The following NUP133 variants were observed in gnomAD, a reference collection of about 807,000 sequenced individuals.
The protein encoded by NUP133 is nuclear pore complex protein Nup133.
Under a neutral mutation model 146.2 loss-of-function variants are expected in NUP133, and 66 were observed. That is an observed-to-expected ratio of 0.45 (90% CI 0.37 to 0.55). NUP133 has a LOEUF of 0.55. NUP133 is among the 20% of genes least tolerant of loss of function. NUP133 has a pLI of 0.00. For missense variants in NUP133, 1,277 were observed against 1,374.8 expected, an observed-to-expected ratio of 0.93 and a Z score of 1.12; for synonymous variants, 521 against 498.8, an observed-to-expected ratio of 1.04 and a Z score of -0.59.
At chr1:229,467,801 T>C (rs1226506951) in intron 15 of NUP133, among the ~76,000 whole-genome samples, 1 of 151,588 alleles carries the variant, frequency 6.6e-6, no homozygotes, top group East Asian at 1.9e-4. Context: ...GGCGTGCACC[T>C]GGAGTCCCGG....
At chr1:229,477,015 T>C (rs1263012146) in intron 13 of NUP133, among the ~76,000 whole-genome samples, 2 of 150,424 alleles carry the variant, frequency 1.3e-5, no homozygotes, top group Non-Finnish European at 2.9e-5. Flanking sequence ...CTTTTAGAAA[T>C]AAAAGCCAGG....
In NUP133 at chr1:229,447,268, C is replaced by T. The variant is rs78765191; in HGVS notation, c.3245+1858G>A. 9.1e-3 allele frequency among the ~76,000 whole-genome samples: 1,381 copies of T among 152,180 alleles called. 20 individuals carry two copies. The highest frequency in any genetic ancestry group is 0.031 in the African/African-American group (1,305 of 41,528). On this transcript the variant is annotated intron_variant, in intron 24 of 25. Transcript: ENST00000261396. ...TTCTTAACTATTAAAATAGAGAAGA[C>T]CAAGACTAAATAAATATTACTAATG... is the stretch of plus-strand genomic sequence containing the variant.
intron 2 of NUP133, among the ~76,000 whole-genome samples, 165 bp downstream of exon 2, chr1:229,505,875 G>C (rs1001629608): frequency 6.6e-6 from 1 of 152,110 alleles, no homozygotes; most frequent in Non-Finnish European, 1.5e-5. Flanking sequence ...GTGACAGAGT[G>C]AGACTCTGTC....
intron 20 of NUP133, among the ~76,000 whole-genome samples, chr1:229,460,314 G>A (rs563210): frequency 0.09 from 13,768 of 152,144 alleles, 714 homozygotes; most frequent in Middle Eastern, 0.17. Flanking sequence ...TCCTGCCTCA[G>A]CCTCTCAAGT....
At chr1:229,491,012 T>C (rs371891329) in intron 8 of NUP133, among the ~76,000 whole-genome samples, 11 of 151,436 alleles carry the variant, frequency 7.3e-5, no homozygotes, top group African/African-American at 2.7e-4. Flanking sequence ...TAAGTTTTAC[T>C]CTATATAAAT....
At chr1:229,488,708 A>G (rs1661424816) in intron 9 of NUP133, among the ~76,000 whole-genome samples, 1 of 151,998 alleles carries the variant, frequency 6.6e-6, no homozygotes. Flanking sequence ...AATTTAAGCC[A>G]GGAACGGTGG....
At position 229,477,590 on chromosome 1, in the gene NUP133, T is replaced by C. The variant is rs769044575; in HGVS notation, c.1756+7A>G. The C allele has an allele frequency of 1.2e-6, 2 of 1,601,842 alleles. No homozygotes were observed. The highest frequency in any genetic ancestry group is 1.7e-5 in the Admixed American group (1 of 58,532). On this transcript the variant is annotated splice_region_variant and intron_variant, in intron 13 of 25. Coordinates refer to ENST00000261396, the MANE Select transcript of NUP133 (RefSeq NM_018230.3). The stretch of plus-strand genomic sequence containing the variant: ...AACACACCGTTCCATAATTGAAACA[T>C]TCTTACCCTCAGGGACAGACTCAGC...
At chr1:229,449,358 G>GT (rs1331056487) in intron 23 of NUP133, among the ~76,000 whole-genome samples, 168 bp from the exon 24 acceptor site, 1 of 151,394 alleles carries the variant, frequency 6.6e-6, no homozygotes, top group Non-Finnish European at 1.5e-5. Flanking sequence ...CTTGAGAGGG[G>GT]TAAGAGTTTT....
At chr1:229,475,764 T>C (rs750366805) in intron 13 of NUP133, 32 bp from the exon 14 acceptor site, 66 of 1,522,892 alleles carry the variant, frequency 4.3e-5, no homozygotes, top group Non-Finnish European at 5.7e-5. Flanking sequence ...ACTTAGAACA[T>C]AGTGGTTTTA....
chr1:229,441,234 C>G lies in NUP133; in HGVS notation c.*670G>C. 3.0e-6 allele frequency: 1 copy of G among 338,060 alleles called. No homozygotes were observed. Among genetic ancestry groups the G allele is most frequent in the South Asian group, 2.4e-5 (1 of 41,368 alleles). 20.9% of individuals were successfully genotyped at this position (338,060 alleles called of 1,614,324 possible). ...GAATCCCCACACTGAAAGATTAGAA[C>G]TAAACATCAACAGTAATTTCTAGAT... On this transcript the variant is annotated 3_prime_UTR_variant, in exon 26 of 26. Transcript: ENST00000261396.
At chr1:229,446,606 C>G (rs1015124559) in intron 24 of NUP133, among the ~76,000 whole-genome samples, 1 of 151,484 alleles carries the variant, frequency 6.6e-6, no homozygotes, top group Non-Finnish European at 1.5e-5. Context: ...TGGTGGCAGG[C>G]ACCTGTAGTC....
intron 16 of NUP133, 70 bp downstream of exon 16, chr1:229,466,564 T>C: frequency 6.5e-7 from 1 of 1,546,900 alleles, no homozygotes; most frequent in Non-Finnish European, 8.9e-7. Context: ...AGTAGGAACA[T>C]GGAAACCAGT....
chr1:229,470,552 A>C (rs762078622), intron 15 of NUP133, 28 bp downstream of exon 15: 1 of 1,568,220 alleles, frequency 6.4e-7, no homozygotes, highest in South Asian at 1.1e-5. Flanking sequence ...CAGTTCTACA[A>C]AGCCACATGA....
Position 229,496,122 on chromosome 1 carries a change from A to G in NUP133, c.820-75T>C, listed in dbSNP as rs1448485726. Reference sequence around the variant, plus strand: ...TAAGGAACTATTGTTTTAAAAGTCAAATTTCACATATGTGATTAGTAATCC... The same window carrying G: ...TAAGGAACTATTGTTTTAAAAGTCAGATTTCACATATGTGATTAGTAATCC... On this transcript the variant is annotated intron_variant, in intron 6 of 25. Coordinates refer to ENST00000261396, the MANE Select transcript of NUP133 (RefSeq NM_018230.3). 6 of 1,122,672 alleles carry G rather than the reference A, an allele frequency of 5.3e-6. No individual in the cohort carries two copies. In the East Asian group the frequency reaches 1.4e-4, roughly 25 times the overall value. 69.5% of individuals were successfully genotyped at this position (1,122,672 alleles called of 1,614,324 possible).
chr1:229,505,582 A>C lies in NUP133; in HGVS notation c.301+458T>G, dbSNP rs558935771. Among the ~76,000 whole-genome samples the C allele has an allele frequency of 2.7e-5, 4 of 150,456 alleles. 1 individual carries two copies. The highest frequency in any genetic ancestry group is 4.2e-4 in the South Asian group (2 of 4,794). Reference sequence around the variant, plus strand: ...TTACAGTTAAAAAAAAAAAAAAAAAAAAAAAAAAAAACTAAGACAGGTGGC... The same window carrying C: ...TTACAGTTAAAAAAAAAAAAAAAAACAAAAAAAAAAACTAAGACAGGTGGC... On this transcript the variant is annotated intron_variant, in intron 2 of 25. Transcript: ENST00000261396.
At chr1:229,489,527 C>G (rs1661456505) in intron 9 of NUP133, among the ~76,000 whole-genome samples, 1 of 152,206 alleles carries the variant, frequency 6.6e-6, no homozygotes, top group Non-Finnish European at 1.5e-5. Flanking sequence ...TAGAAACAAG[C>G]TATTTTAAAA....
At chr1:229,507,143 T>C (rs1374688646) in intron 1 of NUP133, among the ~76,000 whole-genome samples, 1 of 152,196 alleles carries the variant, frequency 6.6e-6, no homozygotes, top group African/African-American at 2.4e-5. Context: ...AAAGTATGCT[T>C]TTATTCTCCA....
intron 9 of NUP133, among the ~76,000 whole-genome samples, chr1:229,488,893 A>G (rs1247955280): frequency 6.6e-6 from 1 of 152,186 alleles, no homozygotes; most frequent in Non-Finnish European, 1.5e-5. Flanking sequence ...GATACTATGT[A>G]AGAGTAAATA....
intron 21 of NUP133, among the ~76,000 whole-genome samples, chr1:229,454,410 C>T (rs1424833190): frequency 6.6e-6 from 1 of 152,178 alleles, no homozygotes; most frequent in East Asian, 1.9e-4. Flanking sequence ...TTAAATGGAA[C>T]ACTTTTGTCC....
Sources: allele counts gnomAD v4.1 joint callset (sites outside exome capture counted in the v4.1 genomes callset), GRCh38; gene constraint gnomAD v4.1.1; transcripts MANE v1.5; gene names NCBI Gene and HGNC (gene_info 2026-07-23, HGNC 2026-07-21).